The following ARK2N variants were observed in gnomAD, a reference collection of about 807,000 sequenced individuals.
ARK2N encodes arkadia (RNF111) N-terminal like PKA signaling regulator 2N, also known as protein ARK2N.
chr18:46,207,575 A>G, the ARK2N span, among the ~76,000 whole-genome samples: 3 of 151,882 alleles, frequency 2.0e-5, no homozygotes, highest in Non-Finnish European at 4.4e-5. Flanking sequence ...TTTTCAGTAG[A>G]GACAGGGTTT....
the ARK2N span, among the ~76,000 whole-genome samples, chr18:46,189,793 G>A: frequency 1.3e-5 from 2 of 152,256 alleles, no homozygotes; most frequent in African/African-American, 4.8e-5. Flanking sequence ...GAGCCTGAGG[G>A]TTTGATGGTG....
the ARK2N span, among the ~76,000 whole-genome samples, chr18:46,245,317 T>G: frequency 6.6e-6 from 1 of 152,014 alleles, no homozygotes; most frequent in Non-Finnish European, 1.5e-5. Context: ...CCTATAATCC[T>G]GGCATTTTGG....
the ARK2N span, among the ~76,000 whole-genome samples, chr18:46,238,244 A>G: frequency 6.6e-6 from 1 of 152,208 alleles, no homozygotes; most frequent in African/African-American, 2.4e-5. Context: ...TATAAATTTT[A>G]AAATAACTCA....
the ARK2N span, among the ~76,000 whole-genome samples, chr18:46,260,843 G>A: frequency 3.3e-5 from 5 of 152,168 alleles, no homozygotes; most frequent in African/African-American, 1.2e-4. Flanking sequence ...CCAGTTCTAT[G>A]CTTAACTTGT....
the ARK2N span, among the ~76,000 whole-genome samples, chr18:46,177,006 C>T: frequency 6.6e-6 from 1 of 152,210 alleles, no homozygotes; most frequent in Non-Finnish European, 1.5e-5. Context: ...CTGCCTTGGC[C>T]TCCCAAAGTG....
the ARK2N span, chr18:46,216,522 C>G: frequency 6.2e-7 from 1 of 1,614,140 alleles, no homozygotes; most frequent in Admixed American, 1.7e-5. This position sits in a 1 kb window ranked among gnomAD's most constrained non-coding sequence, Gnocchi z 4.3. Flanking sequence ...TGACTTGTGA[C>G]TCAAGCACGA....
the ARK2N span, among the ~76,000 whole-genome samples, chr18:46,202,347 C>G: frequency 6.6e-6 from 1 of 152,086 alleles, no homozygotes; most frequent in Non-Finnish European, 1.5e-5. Context: ...CCTACTAGCA[C>G]CCATGTACTT....
At chr18:46,218,704 A>G in the ARK2N span, 2 of 152,234 alleles carry the variant, frequency 1.3e-5, no homozygotes, top group Non-Finnish European at 2.9e-5. Context: ...GAGTCACCTT[A>G]TGACTTTGGG....
At chr18:46,239,873 G>T in the ARK2N span, 1 of 794,376 alleles carries the variant, frequency 1.3e-6, no homozygotes, top group Non-Finnish European at 2.0e-6. Flanking sequence ...CAAAATATTA[G>T]ATCTATAAAG....
the ARK2N span, among the ~76,000 whole-genome samples, chr18:46,193,783 G>A: frequency 6.6e-6 from 1 of 151,086 alleles, no homozygotes; most frequent in Non-Finnish European, 1.5e-5. Flanking sequence ...ATTTTTTGTA[G>A]AGATGGGGTT....
the ARK2N span, among the ~76,000 whole-genome samples, chr18:46,257,630 T>A: frequency 1.3e-5 from 2 of 151,708 alleles, no homozygotes; most frequent in African/African-American, 4.8e-5. Flanking sequence ...CACTTAATTT[T>A]GCCAAAACTT....
At chr18:46,246,935 C>A in the ARK2N span, among the ~76,000 whole-genome samples, 2 of 147,330 alleles carry the variant, frequency 1.4e-5, no homozygotes, top group Non-Finnish European at 3.0e-5. Flanking sequence ...GAGCAAAACT[C>A]CATTTCAAAA....
chr18:46,261,675 T>C, the ARK2N span, among the ~76,000 whole-genome samples: 1 of 152,242 alleles, frequency 6.6e-6, no homozygotes, highest in Non-Finnish European at 1.5e-5. Context: ...TCTGGGTTAG[T>C]AACTACATAG....
At chr18:46,230,959 G>T in the ARK2N span, among the ~76,000 whole-genome samples, 1 of 152,162 alleles carries the variant, frequency 6.6e-6, no homozygotes, top group Non-Finnish European at 1.5e-5. Flanking sequence ...TGCTAGCTCA[G>T]TCCTAGGACA....
chr18:46,230,966 G>A, the ARK2N span, among the ~76,000 whole-genome samples: 4 of 152,116 alleles, frequency 2.6e-5, no homozygotes, highest in Non-Finnish European at 4.4e-5. Flanking sequence ...TCAGTCCTAG[G>A]ACATTAGATA....
the ARK2N span, among the ~76,000 whole-genome samples, chr18:46,191,889 A>G: frequency 7.2e-5 from 11 of 152,270 alleles, no homozygotes; most frequent in African/African-American, 2.4e-4. Context: ...CTTTTCCAGA[A>G]TGTCATACAA....
chr18:46,261,949 A>G, the ARK2N span, among the ~76,000 whole-genome samples: 1 of 152,176 alleles, frequency 6.6e-6, no homozygotes, highest in Non-Finnish European at 1.5e-5. Flanking sequence ...GAAATTCTCA[A>G]GTGGCCCAGC....
the ARK2N span, chr18:46,216,644 C>G: frequency 1.0e-5 from 15 of 1,465,512 alleles, no homozygotes; most frequent in Non-Finnish European, 1.8e-6. The surrounding 1 kb of genome is among the most constrained non-coding windows in gnomAD (Gnocchi z 4.3). Context: ...TGGCATTTCT[C>G]AGCTATCAGG....
At chr18:46,256,546 A>G in the ARK2N span, among the ~76,000 whole-genome samples, 1 of 152,176 alleles carries the variant, frequency 6.6e-6, no homozygotes, top group Non-Finnish European at 1.5e-5. Context: ...GAACAAAGTG[A>G]CTTTGTCTAC....
Sources: allele counts gnomAD v4.1 joint callset (sites outside exome capture counted in the v4.1 genomes callset), GRCh38; gene constraint gnomAD v4.1.1; non-coding constraint Gnocchi (gnomAD v3.1); transcripts MANE v1.5; gene names NCBI Gene and HGNC (gene_info 2026-07-23, HGNC 2026-07-21).